The following PPM1H variants were observed in gnomAD, a reference collection of about 807,000 sequenced individuals.
PPM1H encodes protein phosphatase, Mg2+/Mn2+ dependent 1H.
A neutral mutation model predicts 54.9 loss-of-function variants in PPM1H; 27 were observed. That is an observed-to-expected ratio of 0.49 (90% CI 0.36 to 0.68). The LOEUF (loss-of-function observed/expected upper bound fraction) is 0.68. Among genes scored for constraint, PPM1H ranks in the 30% least tolerant of loss-of-function variants. The pLI, the probability that PPM1H is intolerant of heterozygous loss-of-function variation, is 0.00. For synonymous variants in PPM1H, 305 were observed against 270.8 expected, an observed-to-expected ratio of 1.13 and a Z score of -1.24; for missense variants, 596 against 667.8, an observed-to-expected ratio of 0.89 and a Z score of 1.19.
At chr12:62,892,741 G>A (rs1870843916) in intron 1 of PPM1H, among the ~76,000 whole-genome samples, 1 of 152,116 alleles carries the variant, frequency 6.6e-6, no homozygotes, top group Admixed American at 6.5e-5. Context: ...TCTAGTCAAT[G>A]GTGATAAGAT....
At chr12:62,757,879 T>C (rs1312542926) in intron 4 of PPM1H, among the ~76,000 whole-genome samples, 1 of 152,222 alleles carries the variant, frequency 6.6e-6, no homozygotes, top group Non-Finnish European at 1.5e-5. Flanking sequence ...CTGGTCTCAT[T>C]CACAACCACC....
At chr12:62,902,535 C>T (rs1198398157) in intron 1 of PPM1H, among the ~76,000 whole-genome samples, 2 of 152,210 alleles carry the variant, frequency 1.3e-5, no homozygotes, top group African/African-American at 2.4e-5. Context: ...TTCTTCAGCA[C>T]AGCCTGATAA....
chr12:62,885,141 C>T (rs140715966), intron 1 of PPM1H, among the ~76,000 whole-genome samples: 36 of 152,264 alleles, frequency 2.4e-4, no homozygotes, highest in African/African-American at 7.0e-4. Context: ...TTCACTATCA[C>T]GAGAATAGCA....
chr12:62,822,025 G>A (rs2076906128), intron 2 of PPM1H, among the ~76,000 whole-genome samples: 1 of 152,094 alleles, frequency 6.6e-6, no homozygotes, highest in Admixed American at 6.5e-5. Flanking sequence ...CATGTGCAGA[G>A]ACATACATAG....
chr12:62,934,760 C>A lies in PPM1H; in HGVS notation c.-24G>T. 6.7e-7 allele frequency: 1 copy of A among 1,500,624 alleles called. No homozygotes were observed. The highest frequency in any genetic ancestry group is 1.3e-5 in the South Asian group (1 of 74,944). 93.0% of individuals were successfully genotyped at this position (1,500,624 alleles called of 1,614,324 possible). A position where few individuals can be genotyped will look rare whatever the true frequency, so the allele number is the denominator to read the frequency against. ...ATATTACTCCGGCGCCCGGCTGCAGCGGTGCGAGCAGGAGGCGGCGGGGGC... is the reference window on the plus strand; with the variant it reads ...ATATTACTCCGGCGCCCGGCTGCAGAGGTGCGAGCAGGAGGCGGCGGGGGC... On this transcript the variant is annotated 5_prime_UTR_variant, in exon 1 of 10. Transcript: ENST00000228705. The surrounding 1 kb of genome is among the most constrained non-coding windows in gnomAD (Gnocchi z 4.2).
intron 3 of PPM1H, among the ~76,000 whole-genome samples, chr12:62,800,315 T>C (rs372059235): frequency 3.3e-4 from 49 of 149,800 alleles, no homozygotes; most frequent in African/African-American, 1.1e-3. Context: ...CATCACTTTG[T>C]AATCTCCAGG....
At chr12:62,902,369 A>ATAC (rs1871184617) in intron 1 of PPM1H, among the ~76,000 whole-genome samples, 1 of 151,488 alleles carries the variant, frequency 6.6e-6, no homozygotes, top group Admixed American at 6.6e-5. Context: ...AATAATAATA[A>ATAC]TAATAATAAA....
rs551721561 is a variant in PPM1H at position 62,875,275 on chromosome 12, A to G, written c.246-42996T>C. On this transcript the variant is annotated intron_variant, in intron 1 of 9. Transcript: ENST00000228705. Reference sequence around the variant, plus strand: ...TAAAACAAGAGTGTTCACGAAGCTTAGAAGTTCTTACTAGGCAATTCCCCC... The same window carrying G: ...TAAAACAAGAGTGTTCACGAAGCTTGGAAGTTCTTACTAGGCAATTCCCCC... Among the ~76,000 whole-genome samples the G allele has an allele frequency of 8.3e-4, 127 of 152,356 alleles. 1 individual carries two copies. The highest frequency in any genetic ancestry group is 2.9e-3 in the African/African-American group (122 of 41,588).
chr12:62,759,988 T>A (rs532628932), intron 4 of PPM1H, among the ~76,000 whole-genome samples: 1 of 152,256 alleles, frequency 6.6e-6, no homozygotes, highest in South Asian at 2.1e-4. Context: ...TCCTTCACTA[T>A]GGGCAACCTT....
intron 4 of PPM1H, among the ~76,000 whole-genome samples, chr12:62,766,784 C>T (rs1390562017): frequency 2.0e-5 from 3 of 152,196 alleles, no homozygotes; most frequent in Non-Finnish European, 4.4e-5. Flanking sequence ...TTCAGGAAAC[C>T]ATTGTGCAGG....
At chr12:62,862,649 T>C (rs150172977) in intron 1 of PPM1H, among the ~76,000 whole-genome samples, 2 of 152,328 alleles carry the variant, frequency 1.3e-5, no homozygotes, top group East Asian at 3.9e-4. Context: ...CAGACATCTA[T>C]CTTCTCTGAT....
intron 2 of PPM1H, 45 bp downstream of exon 2, chr12:62,832,069 T>C (rs1868370764): frequency 6.3e-7 from 1 of 1,593,168 alleles, no homozygotes; most frequent in Admixed American, 1.7e-5. Context: ...CCAAAGTGTG[T>C]GCCATTCTTC....
intron 4 of PPM1H, among the ~76,000 whole-genome samples, chr12:62,769,541 G>A (rs2076565484): frequency 2.0e-5 from 3 of 152,154 alleles, no homozygotes; most frequent in Admixed American, 1.3e-4. Flanking sequence ...ATATGAAGAT[G>A]GGTTTGTTGG....
chr12:62,837,574 A>G (rs1016468209), intron 1 of PPM1H, among the ~76,000 whole-genome samples: 1 of 152,210 alleles, frequency 6.6e-6, no homozygotes, highest in African/African-American at 2.4e-5. Context: ...AACTGATTCA[A>G]ACTTGGTCTC....
chr12:62,660,115 A>G (rs2075875109), intron 9 of PPM1H, among the ~76,000 whole-genome samples: 1 of 152,228 alleles, frequency 6.6e-6, no homozygotes, highest in Admixed American at 6.5e-5. Context: ...TCCATTTGGC[A>G]TGACAAGATT....
At chr12:62,704,746 G>C (rs1257986788) in intron 6 of PPM1H, among the ~76,000 whole-genome samples, 1 of 152,156 alleles carries the variant, frequency 6.6e-6, no homozygotes, top group African/African-American at 2.4e-5. Context: ...CACAAGAAAG[G>C]CTGCTGGCTT....
At chr12:62,797,638 GAC>G (rs1318188370) in intron 3 of PPM1H, among the ~76,000 whole-genome samples, 3 of 152,140 alleles carry the variant, frequency 2.0e-5, no homozygotes, top group African/African-American at 7.2e-5. Flanking sequence ...GTAAGACAAT[GAC>G]TCTCAAAAAC....
chr12:62,694,754 C>T (rs2076104428), intron 6 of PPM1H, among the ~76,000 whole-genome samples: 1 of 152,186 alleles, frequency 6.6e-6, no homozygotes, highest in Non-Finnish European at 1.5e-5. Context: ...TGTAGCTTCA[C>T]CTTTTTCAGT....
At chr12:62,915,486 C>A (rs1422966802) in intron 1 of PPM1H, among the ~76,000 whole-genome samples, 1 of 152,222 alleles carries the variant, frequency 6.6e-6, no homozygotes, top group Non-Finnish European at 1.5e-5. Context: ...GGGATTATTA[C>A]CTTTTCTGTA....
Sources: allele counts gnomAD v4.1 joint callset (sites outside exome capture counted in the v4.1 genomes callset), GRCh38; gene constraint gnomAD v4.1.1; non-coding constraint Gnocchi (gnomAD v3.1); transcripts MANE v1.5; gene names NCBI Gene and HGNC (gene_info 2026-07-23, HGNC 2026-07-21).